Variants in DNAH3 observed in about 807,000 individuals in gnomAD.
DNAH3 encodes the protein axonemal beta dynein heavy chain 3.
Under a neutral mutation model 432.5 loss-of-function variants are expected in DNAH3, and 332 were observed. The ratio of observed to expected loss-of-function variants is 0.77; its 90% CI spans 0.70 to 0.84. DNAH3 has a LOEUF of 0.84. DNAH3 is among the 40% of genes least tolerant of loss of function. DNAH3 has a pLI of 0.00. For synonymous variants in DNAH3, 1,956 were observed against 1,900.2 expected, an observed-to-expected ratio of 1.03 and a Z score of -0.76; for missense variants, 4,861 against 5,114.0, an observed-to-expected ratio of 0.95 and a Z score of 1.51.
chr16:20,984,934 G>A (rs1378521140), intron 48 of DNAH3, 115 bp downstream of exon 48: 4 of 909,398 alleles, frequency 4.4e-6, no homozygotes, highest in Non-Finnish European at 6.6e-6. Context: ...CCCCGAGCTG[G>A]TGCGTTGGCT....
At chr16:20,951,786 G>A (rs1385121914) in intron 56 of DNAH3, among the ~76,000 whole-genome samples, 2 of 138,866 alleles carry the variant, frequency 1.4e-5, no homozygotes, top group Non-Finnish European at 3.0e-5. Flanking sequence ...TGTCACCCAG[G>A]CTAGAATGCA....
rs2083544931 is a variant in DNAH3, at chr16:20,935,262, T to C, written c.11997+86A>G. ...TCAGAAGCATTTGGGTCTTAACACA[T>C]CCACATTTTTTGACTCATAAGGAAA... On this transcript the variant is annotated intron_variant, in intron 61 of 61. Coordinates refer to ENST00000261383, the Ensembl canonical transcript of DNAH3. 2.6e-6 allele frequency: 4 copies of C among 1,531,564 alleles called. No individual in the cohort carries two copies. The Admixed American group carries it at 7.4e-5, about 28-fold the overall frequency. The allele number at this position is 1,531,564 out of a possible 1,614,324, so 94.9% of individuals were successfully genotyped here.
chr16:21,132,948 A>G (rs986007795), intron 7 of DNAH3, among the ~76,000 whole-genome samples: 25 of 144,460 alleles, frequency 1.7e-4, no homozygotes, highest in African/African-American at 6.2e-4. Context: ...TCTCATCTGG[A>G]CTCCTACAAT....
chr16:21,023,539 T>A (rs1026889497), intron 39 of DNAH3, among the ~76,000 whole-genome samples: 1 of 151,366 alleles, frequency 6.6e-6, no homozygotes, highest in Non-Finnish European at 1.5e-5. Flanking sequence ...GAGGCAAGAG[T>A]CCCAGGAAGA....
chr16:21,064,063 T>C (rs1365820908), intron 24 of DNAH3, among the ~76,000 whole-genome samples: 1 of 152,138 alleles, frequency 6.6e-6, no homozygotes, highest in Non-Finnish European at 1.5e-5. Flanking sequence ...CATCAAGGGG[T>C]GGAGTCTGTT....
rs2091952806 is a variant in DNAH3, at chr16:21,106,615, TTAG to T, written c.2156_2158del (p.Thr719del). ...GAATTCAATGAGGGATACCAGCTCC[TTAG>T]TGTTGGCAGGAACCTCACTGACTTT... On this transcript the variant is annotated inframe_deletion, in exon 15 of 62. Coordinates refer to ENST00000261383, the Ensembl canonical transcript of DNAH3. The T allele has an allele frequency of 3.1e-6, 5 of 1,610,172 alleles. No homozygotes were observed. In the Admixed American group the frequency reaches 6.7e-5, roughly 21 times the overall value.
At chr16:21,145,271 C>T in exon 3 of DNAH3, 1 of 1,614,020 alleles carries the variant, frequency 6.2e-7, no homozygotes, top group Non-Finnish European at 8.5e-7. Context: ...AGCTTCAGGT[C>T]CTGGGCCATC....
chr16:20,954,291 C>CTT (rs1190060999), intron 55 of DNAH3, among the ~76,000 whole-genome samples: 22 of 127,820 alleles, frequency 1.7e-4, no homozygotes, highest in East Asian at 1.2e-3. Flanking sequence ...TACCTATAGA[C>CTT]TTTTTTTTTT....
chr16:21,081,357 T>C (rs990525266), intron 20 of DNAH3, among the ~76,000 whole-genome samples: 9 of 150,994 alleles, frequency 6.0e-5, no homozygotes, highest in African/African-American at 2.0e-4. Flanking sequence ...AGAGCTGGGC[T>C]TGAAGCTCAG....
chr16:20,984,198 C>T (rs568965359), intron 48 of DNAH3, among the ~76,000 whole-genome samples: 9 of 150,122 alleles, frequency 6.0e-5, no homozygotes, highest in East Asian at 2.0e-4. Flanking sequence ...TGCACGTGTG[C>T]GCATGCGTGC....
At chr16:21,158,995 C>T (rs1354517066) in intron 1 of DNAH3, among the ~76,000 whole-genome samples, 1 of 151,756 alleles carries the variant, frequency 6.6e-6, no homozygotes, top group East Asian at 1.9e-4. Flanking sequence ...CACCCCGCCA[C>T]CCCCCAACAC....
intron 26 of DNAH3, among the ~76,000 whole-genome samples, chr16:21,058,797 T>C (rs2090230701): frequency 6.6e-6 from 1 of 151,882 alleles, no homozygotes; most frequent in Admixed American, 6.6e-5. Context: ...TGAGAACACA[T>C]GGACACAAGG....
At chr16:20,998,704 T>A (rs2086873231) in intron 43 of DNAH3, among the ~76,000 whole-genome samples, 1 of 122,684 alleles carries the variant, frequency 8.2e-6, no homozygotes. Context: ...ATCGCACCAC[T>A]GCACTCCAGC....
intron 1 of DNAH3, among the ~76,000 whole-genome samples, chr16:21,154,508 T>C (rs1041897341): frequency 7.2e-5 from 11 of 152,320 alleles, no homozygotes; most frequent in Admixed American, 2.6e-4. Context: ...GTGTTTTAAG[T>C]CTACTAGTGT....
intron 36 of DNAH3, among the ~76,000 whole-genome samples, chr16:21,031,588 TG>T (rs758401113): frequency 1.3e-5 from 2 of 148,924 alleles, no homozygotes; most frequent in Non-Finnish European, 3.0e-5. Flanking sequence ...AGCAACAGAA[TG>T]AAGCCGTCTC....
At chr16:21,072,043 G>T (rs1406203426) in intron 21 of DNAH3, among the ~76,000 whole-genome samples, 2 of 152,052 alleles carry the variant, frequency 1.3e-5, no homozygotes, top group Non-Finnish European at 2.9e-5. Context: ...TTCATTGTAG[G>T]TGTATTTTTT....
chr16:21,030,026 G>C (rs780742323), intron 37 of DNAH3, among the ~76,000 whole-genome samples: 6 of 151,996 alleles, frequency 3.9e-5, no homozygotes, highest in Non-Finnish European at 8.8e-5. Context: ...ATGGCTCACT[G>C]TGTTGCTCAA....
intron 20 of DNAH3, among the ~76,000 whole-genome samples, chr16:21,078,275 CAAAAAAAAA>C (rs1202846920): frequency 4.8e-5 from 4 of 83,868 alleles, no homozygotes; most frequent in African/African-American, 8.8e-5. Context: ...AATTCCGTCT[CAAAAAAAAA>C]AAAAAAAAAA....
chr16:20,953,581 C>CTT (rs370350008), intron 55 of DNAH3, among the ~76,000 whole-genome samples: 2 of 145,764 alleles, frequency 1.4e-5, no homozygotes, highest in East Asian at 4.0e-4. Flanking sequence ...ATTTGCATGG[C>CTT]TTTTTTTTTT....
Sources: allele counts gnomAD v4.1 joint callset (sites outside exome capture counted in the v4.1 genomes callset), GRCh38; gene constraint gnomAD v4.1.1; transcripts MANE v1.5; gene names NCBI Gene and HGNC (gene_info 2026-07-23, HGNC 2026-07-21).